The following SRFBP1 variants were observed in gnomAD, a reference collection of about 807,000 sequenced individuals.
SRFBP1 encodes serum response factor binding protein 1.
SRFBP1 carries 47 observed loss-of-function variants against 45.5 expected under a neutral mutation model. The observed-to-expected ratio is 1.03, with a 90% CI of 0.82 to 1.32. The LOEUF is 1.32. Among genes scored for constraint, SRFBP1 ranks in the 40% most tolerant of loss-of-function variants. The probability of loss-of-function intolerance (pLI) is 0.00; values close to 1 mark genes in which losing one functional copy is unlikely to be tolerated. For synonymous variants in SRFBP1, 203 were observed against 166.3 expected (o/e 1.22, Z -1.70); for missense variants, 621 against 484.6 (o/e 1.28, Z -2.64).
chr5:122,076,775 A>G (rs1754648991), downstream of SRFBP1: 1 of 807,570 alleles, frequency 1.2e-6, no homozygotes, highest in African/African-American at 1.7e-5. Flanking sequence ...CCCACTTCCC[A>G]GCTCTTGTCC....
intron 2 of SRFBP1, among the ~76,000 whole-genome samples, chr5:122,038,396 T>C (rs780290056): frequency 2.5e-4 from 38 of 152,204 alleles, no homozygotes; most frequent in Non-Finnish European, 4.9e-4. Context: ...TCATCTGCAA[T>C]TTTTTAGAAG....
chr5:122,019,899 C>T (rs1201525650), intron 5 of SRFBP1, among the ~76,000 whole-genome samples, 189 bp from the exon 6 acceptor site: 1 of 152,042 alleles, frequency 6.6e-6, no homozygotes, highest in Non-Finnish European at 1.5e-5. Flanking sequence ...TACGTCTGAG[C>T]ATATCTTATG....
intron 3 of SRFBP1, among the ~76,000 whole-genome samples, chr5:121,988,222 A>T (rs1752554067): frequency 6.6e-6 from 1 of 152,174 alleles, no homozygotes; most frequent in Non-Finnish European, 1.5e-5. Context: ...CACAAAGCAG[A>T]ATACAAGGAT....
rs569313216 is a variant in SRFBP1 at position 121,986,011 on chromosome 5, T to C, written c.199-8588T>C. On this transcript the variant is annotated intron_variant, in intron 3 of 7. Transcript: ENST00000339397. The stretch of plus-strand genomic sequence containing the variant: ...GAGATTTTGGGGAGATGTTCACATA[T>C]ATATGATATTTAAAATAATGAAACT... 2.2e-4 allele frequency among the ~76,000 whole-genome samples: 33 copies of C among 152,002 alleles called. No individual in the cohort carries two copies. In the South Asian group the frequency reaches 6.8e-3, roughly 31 times the overall value.
chr5:122,008,635 T>C (rs1276762849), intron 4 of SRFBP1, among the ~76,000 whole-genome samples: 1 of 152,260 alleles, frequency 6.6e-6, no homozygotes, highest in East Asian at 1.9e-4. Flanking sequence ...TAATCTCTCA[T>C]CTGGTTTCGT....
chr5:122,073,118 AT>A (rs1479629372), intron 2 of SRFBP1, among the ~76,000 whole-genome samples: 3 of 152,170 alleles, frequency 2.0e-5, no homozygotes, highest in Non-Finnish European at 2.9e-5. Context: ...CAGCCCTGGA[AT>A]TTGCTTCCCA....
intron 3 of SRFBP1, among the ~76,000 whole-genome samples, chr5:121,980,745 G>T (rs1189298907): frequency 2.6e-5 from 4 of 151,998 alleles, no homozygotes; most frequent in Non-Finnish European, 4.4e-5. Flanking sequence ...TCTTGGCTAG[G>T]TTTTAACTTT....
At chr5:122,024,762 C>T (rs1753441549) in intron 7 of SRFBP1, among the ~76,000 whole-genome samples, 1 of 152,142 alleles carries the variant, frequency 6.6e-6, no homozygotes. Flanking sequence ...AAATATAAGA[C>T]ATACCTACAT....
chr5:121,999,141 T>C (rs1752800848), intron 4 of SRFBP1, among the ~76,000 whole-genome samples: 1 of 152,196 alleles, frequency 6.6e-6, no homozygotes, highest in Non-Finnish European at 1.5e-5. Context: ...TAAGCAGTAC[T>C]TTAGCTGCAT....
intron 1 of SRFBP1, among the ~76,000 whole-genome samples, chr5:121,968,695 TTTG>T (rs1752126228): frequency 6.6e-6 from 1 of 152,178 alleles, no homozygotes; most frequent in African/African-American, 2.4e-5. Flanking sequence ...AAGTAGGACT[TTTG>T]TTAAAGTACA....
chr5:122,015,055 GA>G (rs1282401547), intron 4 of SRFBP1, among the ~76,000 whole-genome samples: 1 of 152,126 alleles, frequency 6.6e-6, no homozygotes, highest in African/African-American at 2.4e-5. Flanking sequence ...GAAACTATAA[GA>G]GGTAAACATG....
chr5:122,034,241 C>T (rs544097104), intron 2 of SRFBP1, among the ~76,000 whole-genome samples: 1 of 152,302 alleles, frequency 6.6e-6, no homozygotes, highest in African/African-American at 2.4e-5. Flanking sequence ...TAAGCCCTTT[C>T]ACATGTGTTA....
chr5:122,022,466 A>G (rs1234958269), intron 7 of SRFBP1, 59 bp downstream of exon 7: 2 of 1,454,606 alleles, frequency 1.4e-6, no homozygotes, highest in African/African-American at 2.8e-5. Flanking sequence ...TACCAGAGTA[A>G]AAGAATGAGA....
At chr5:122,047,506 C>CA (rs1753885545) in intron 2 of SRFBP1, among the ~76,000 whole-genome samples, 1 of 152,124 alleles carries the variant, frequency 6.6e-6, no homozygotes, top group Admixed American at 6.5e-5. Context: ...GTTCTTTTGG[C>CA]TTAGGATTGT....
downstream of SRFBP1, among the ~76,000 whole-genome samples, chr5:122,029,980 T>C (rs1289197185): frequency 4.6e-5 from 7 of 152,172 alleles, no homozygotes; most frequent in African/African-American, 1.7e-4. Flanking sequence ...TATATTTACA[T>C]ATTTGAAAGT....
At chr5:122,039,760 G>C (rs1753744977) in intron 2 of SRFBP1, among the ~76,000 whole-genome samples, 1 of 152,060 alleles carries the variant, frequency 6.6e-6, no homozygotes, top group Non-Finnish European at 1.5e-5. Context: ...GTATTGAAGT[G>C]ACTGAGATTT....
rs1358058091 is a variant in SRFBP1, at chr5:122,027,861, A to T, written c.*735A>T. On this transcript the variant is annotated 3_prime_UTR_variant, in exon 8 of 8. Transcript: ENST00000339397. ...TTTTAGTTAAGAAAATTGTTTAAAT[A>T]TAGCAATACAACCAATAATTTGTTT... The T allele has an allele frequency of 6.6e-6, 1 of 152,198 alleles. No homozygotes were observed. Among genetic ancestry groups the T allele is most frequent in the Non-Finnish European group, 1.5e-5 (1 of 68,038 alleles). 9.4% of individuals were successfully genotyped at this position (152,198 alleles called of 1,614,324 possible). A position where few individuals can be genotyped will look rare whatever the true frequency, so the allele number is the denominator to read the frequency against.
chr5:122,020,795 T>C lies in SRFBP1; in HGVS notation c.1060T>C (p.Ser354Pro), dbSNP rs772249758. 3.5e-5 allele frequency: 54 copies of C among 1,552,108 alleles called. No individual in the cohort carries two copies. The highest frequency in any genetic ancestry group is 4.5e-5 in the Non-Finnish European group (52 of 1,156,788). The change falls in exon 6 of 8, where the codon TCT becomes CCT. Residue 354 changes from serine to proline, a missense_variant. Physicochemically the swap from Ser to Pro is moderately conservative, Grantham distance 74. Coordinates refer to ENST00000339397, the MANE Select transcript of SRFBP1 (RefSeq NM_152546.3). Reference sequence around the variant, plus strand: ...CCACTCTTTATCTGGATCTAAAAGCTCTAGAAGGTAAGATTCTTTTTCTAT... The same window carrying C: ...CCACTCTTTATCTGGATCTAAAAGCCCTAGAAGGTAAGATTCTTTTTCTAT... ...FFHSLSGSKSSRRNFKEQAPK... is the reference protein window; with the variant it reads ...FFHSLSGSKSPRRNFKEQAPK...
At position 122,016,882 on chromosome 5, in the gene SRFBP1, C is replaced by T. The variant is rs73285753; in HGVS notation, c.271-2378C>T. Among the ~76,000 whole-genome samples, 196 of 152,170 alleles carry T rather than the reference C, an allele frequency of 1.3e-3. 1 individual carries two copies. Among genetic ancestry groups the T allele is most frequent in the African/African-American group, 4.6e-3 (189 of 41,518 alleles). On this transcript the variant is annotated intron_variant, in intron 4 of 7. Transcript: ENST00000339397. ...CTGTGTCTAATAGTCAGAATAGATG[C>T]GTATCAGTTTCCTAAGGCTGCCATA... is the stretch of plus-strand genomic sequence containing the variant.
Sources: gnomAD v4.1 joint callset for allele counts (sites outside exome capture counted in the v4.1 genomes callset) on GRCh38, gnomAD v4.1.1 for gene constraint, MANE v1.5 for transcripts, NCBI Gene and HGNC (gene_info 2026-07-23, HGNC 2026-07-21) for gene names.